TAP1: variants seen among roughly 807,000 people sequenced by gnomAD.
The protein encoded by TAP1 is transporter 1, ATP binding cassette subfamily B member.
TAP1 carries 56 observed loss-of-function variants against 79.3 expected under a neutral mutation model. The ratio of observed to expected loss-of-function variants is 0.71; its 90% confidence interval spans 0.57 to 0.88. TAP1 has a LOEUF of 0.88. Ranked by LOEUF, TAP1 falls within the 40% of genes least tolerant of loss-of-function variation. The pLI is 0.00. For missense variants in TAP1, 737 were observed against 936.3 expected, an observed-to-expected ratio of 0.79 and a Z score of 2.78; for synonymous variants, 355 against 401.4, an observed-to-expected ratio of 0.88 and a Z score of 1.38.
At position 32,847,522 on chromosome 6, in the gene TAP1, A is replaced by G; in HGVS notation, c.1894T>C (p.Tyr632His). The change falls in exon 9 of 11, where the codon TAT becomes CAT. Residue 632 changes from tyrosine (Y) to histidine (H), a missense_variant. Tyr to His is a moderately conservative substitution (Grantham distance 83). Transcript: ENST00000354258. This position sits in a 1 kb window ranked among gnomAD's most constrained non-coding sequence, Gnocchi z 4.7. Reference protein sequence around the residue: ...HSFISGLPQGYDTEVDEAGSQ... With the variant: ...HSFISGLPQGHDTEVDEAGSQ... ...TGAGTGGAGAGAGTACCTGTGTCATAGCCCTGAGGGAGTCCAGAGATGAAA... is the reference window on the plus strand; with the variant it reads ...TGAGTGGAGAGAGTACCTGTGTCATGGCCCTGAGGGAGTCCAGAGATGAAA... 2 of 1,613,644 alleles carry G rather than the reference A, an allele frequency of 1.2e-6. No homozygotes were observed. The highest frequency in any genetic ancestry group is 1.7e-6 in the Non-Finnish European group (2 of 1,180,028).
rs1328120913 is a variant in TAP1, at chr6:32,851,050, C to G, written c.944G>C (p.Cys315Ser). The G allele has an allele frequency of 6.2e-7, 1 of 1,613,036 alleles. No individual in the cohort carries two copies. Among genetic ancestry groups the G allele is most frequent in the East Asian group, 2.2e-5 (1 of 44,876 alleles). ...TCCCCAGAGCATGATCCCCAAGAGA[C>G]ATAGGCCTCGCACCAGGTACCACAG... Reference protein sequence around the residue: ...LFLWYLVRGLCLLGIMLWGSV... With the variant: ...LFLWYLVRGLSLLGIMLWGSV... Residue 315 changes from cysteine (C) to serine (S), a missense_variant, in exon 4 of 11, where the codon TGT becomes TCT. Physicochemically the swap from Cys to Ser is moderately radical, Grantham distance 112. Coordinates refer to ENST00000354258, the MANE Select transcript of TAP1 (RefSeq NM_000593.6). The surrounding 1 kb of genome is among the most constrained non-coding windows in gnomAD (Gnocchi z 4.8).
chr6:32,851,993 G>A lies in TAP1; in HGVS notation c.844+116C>T. 1 of 1,401,520 alleles carries A rather than the reference G, an allele frequency of 7.1e-7. No homozygotes were observed. The allele number at this position is 1,401,520 out of a possible 1,614,324, so 86.8% of individuals were successfully genotyped here. On this transcript the variant is annotated intron_variant, in intron 3 of 10. Transcript: ENST00000354258. This position sits in a 1 kb window ranked among gnomAD's most constrained non-coding sequence, Gnocchi z 4.8. Reference sequence around the variant, plus strand: ...GGAGAGGGTATATCAAGAATGAGAAGGAACAATGTGTGTATGTGTGTGTGA... The same window carrying A: ...GGAGAGGGTATATCAAGAATGAGAAAGAACAATGTGTGTATGTGTGTGTGA...
chr6:32,845,690 G>A lies in TAP1; in HGVS notation c.2136C>T (p.Ile712=). The A allele has an allele frequency of 6.2e-7, 1 of 1,613,074 alleles. No individual in the cohort carries two copies. Among genetic ancestry groups the A allele is most frequent in the Non-Finnish European group, 8.5e-7 (1 of 1,180,042 alleles). Residue 712 remains isoleucine (I), a synonymous_variant, in exon 11 of 11, where the codon ATC becomes ATT. Coordinates refer to ENST00000354258, the MANE Select transcript of TAP1 (RefSeq NM_000593.6). The surrounding 1 kb of genome is among the most constrained non-coding windows in gnomAD (Gnocchi z 4.5). ...GGATAGCGCCTCCTTCCAGAAAGAG[G>A]ATGTGGTCAGCCTGCTCCACCAGGC... The part of the protein sequence containing the change: ...HLSLVEQADH[I]LFLEGGAIRE...
chr6:32,847,055 A>T lies in TAP1; in HGVS notation c.2040+13T>A. 2 of 1,612,148 alleles carry T rather than the reference A, an allele frequency of 1.2e-6. No homozygotes were observed. Among genetic ancestry groups the T allele is most frequent in the Non-Finnish European group, 1.7e-6 (2 of 1,180,018 alleles). ...TGGGTGGGATATAGCCATTAAGAAG[A>T]TGACTGCCTCACCTGTAACTGGCTG... is the stretch of plus-strand genomic sequence containing the variant. On this transcript the variant is annotated intron_variant, in intron 10 of 10. Coordinates refer to ENST00000354258, the MANE Select transcript of TAP1 (RefSeq NM_000593.6). This position sits in a 1 kb window ranked among gnomAD's most constrained non-coding sequence, Gnocchi z 4.7.
In TAP1 at chr6:32,847,193, C is replaced by T. The variant is rs542331442; in HGVS notation, c.1915G>A (p.Ala639Thr). The change falls in exon 10 of 11, where the codon GCT becomes ACT. Residue 639 changes from alanine to threonine, a missense_variant. By Grantham distance (58) the Ala-to-Thr change is moderately conservative. Around this residue, in one of 5 missense-constraint regions of TAP1, gnomAD observed 266 missense variants for 332.4 expected, o/e 0.80. Coordinates refer to ENST00000354258, the MANE Select transcript of TAP1 (RefSeq NM_000593.6). The surrounding 1 kb of genome is among the most constrained non-coding windows in gnomAD (Gnocchi z 4.7). ...TGACCCCCTGACAGCTGGCTCCCAG[C>T]CTCGTCTACCTCTGCAGAGCAAAGG... ...PQGYDTEVDE[A>T]GSQLSGGQRQ... 1 of 1,612,040 alleles carries T rather than the reference C, an allele frequency of 6.2e-7. No homozygotes were observed. The highest frequency in any genetic ancestry group is 8.5e-7 in the Non-Finnish European group (1 of 1,180,038).
In TAP1 at chr6:32,850,241, G is replaced by A; in HGVS notation, c.1248+79C>T. 6.8e-7 allele frequency: 1 copy of A among 1,478,234 alleles called. No homozygotes were observed. Among genetic ancestry groups the A allele is most frequent in the South Asian group, 1.1e-5 (1 of 88,294 alleles). 91.6% of individuals were successfully genotyped at this position (1,478,234 alleles called of 1,614,324 possible). ...ACCATTTCCCAGTAAAGGAGGAGTG[G>A]GAGCAGGGTCATAGGAATGGGAATG... On this transcript the variant is annotated intron_variant, in intron 5 of 10. Coordinates refer to ENST00000354258, the MANE Select transcript of TAP1 (RefSeq NM_000593.6). The surrounding 1 kb of genome is among the most constrained non-coding windows in gnomAD (Gnocchi z 5.5).
chr6:32,852,809 C>A lies in TAP1; in HGVS notation c.598+230G>T. ...GAGCAAAGGATTTCCCCGCTTCCGG[C>A]GTGGCCCAAAGAATCAAGACCCGGT... On this transcript the variant is annotated intron_variant, in intron 1 of 10. Transcript: ENST00000354258. The surrounding 1 kb of genome is among the most constrained non-coding windows in gnomAD (Gnocchi z 4.8). The A allele has an allele frequency of 1.4e-6, 2 of 1,440,098 alleles. No homozygotes were observed. Among genetic ancestry groups the A allele is most frequent in the Non-Finnish European group, 1.8e-6 (2 of 1,105,120 alleles). 89.2% of individuals were successfully genotyped at this position (1,440,098 alleles called of 1,614,324 possible).
chr6:32,853,292 C>T lies in TAP1; in HGVS notation c.345G>A (p.Glu115=). The T allele has an allele frequency of 6.3e-7, 1 of 1,582,918 alleles. No individual in the cohort carries two copies. Among genetic ancestry groups the T allele is most frequent in the Non-Finnish European group, 8.6e-7 (1 of 1,163,840 alleles). ...LALPGLALFR[E]LISWGAPGSA... is the part of the protein sequence containing the mutation. The stretch of plus-strand genomic sequence containing the variant: ...ACCCGGGGGCTCCCCATGAGATCAG[C>T]TCTCGGAACAAGGCAAGTCCCGGCA... Residue 115 remains glutamate (E), a synonymous_variant, in exon 1 of 11, where the codon GAG becomes GAA. Coordinates refer to ENST00000354258, the MANE Select transcript of TAP1 (RefSeq NM_000593.6). This position sits in a 1 kb window ranked among gnomAD's most constrained non-coding sequence, Gnocchi z 8.3.
At position 32,851,754 on chromosome 6, in the gene TAP1, C is replaced by T. The variant is rs1288443986; in HGVS notation, c.844+355G>A. 6.6e-6 allele frequency among the ~76,000 whole-genome samples: 1 copy of T among 152,194 alleles called. No individual in the cohort carries two copies. Among genetic ancestry groups the T allele is most frequent in the East Asian group, 1.9e-4 (1 of 5,204 alleles). ...AGATGAGGCAGTTGGTCTCTATGAG[C>T]TCAAAATTTCCAGGTTTGAAATTCT... On this transcript the variant is annotated intron_variant, in intron 3 of 10. Transcript: ENST00000354258. The surrounding 1 kb of genome is among the most constrained non-coding windows in gnomAD (Gnocchi z 4.8).
In TAP1 at chr6:32,852,998, G is replaced by T; in HGVS notation, c.598+41C>A. The T allele has an allele frequency of 6.3e-7, 1 of 1,579,272 alleles. No homozygotes were observed. The highest frequency in any genetic ancestry group is 8.6e-7 in the Non-Finnish European group (1 of 1,166,418). Reference sequence around the variant, plus strand: ...ACAATTACCTTTGATTCCTGTCCCAGTCCCCTTGTGTCCTCCCCTCTTGCC... The same window carrying T: ...ACAATTACCTTTGATTCCTGTCCCATTCCCCTTGTGTCCTCCCCTCTTGCC... On this transcript the variant is annotated intron_variant, in intron 1 of 10. Coordinates refer to ENST00000354258, the MANE Select transcript of TAP1 (RefSeq NM_000593.6). The surrounding 1 kb of genome is among the most constrained non-coding windows in gnomAD (Gnocchi z 4.8).
At chr6:32,848,173 A>G in intron 7 of TAP1, 81 bp from the exon 8 acceptor site, 2 of 1,511,788 alleles carry the variant, frequency 1.3e-6, no homozygotes, top group Admixed American at 2.0e-5. Flanking sequence ...ACATAGCATG[A>G]TGTCTTACCC....
In TAP1 at chr6:32,847,193, C is replaced by A. The variant is rs542331442; in HGVS notation, c.1915G>T (p.Ala639Ser). 56 of 1,612,042 alleles carry A rather than the reference C, an allele frequency of 3.5e-5. 1 individual carries two copies. The South Asian group carries it at 5.8e-4, about 17-fold the overall frequency. Residue 639 changes from alanine to serine, a missense_variant, in exon 10 of 11, where the codon GCT becomes TCT. Ala to Ser is a moderately conservative substitution (Grantham distance 99). Around this residue, in one of 5 missense-constraint regions of TAP1, gnomAD observed 266 missense variants for 332.4 expected, o/e 0.80. Transcript: ENST00000354258. The surrounding 1 kb of genome is among the most constrained non-coding windows in gnomAD (Gnocchi z 4.7). Reference protein sequence around the residue: ...PQGYDTEVDEAGSQLSGGQRQ... With the variant: ...PQGYDTEVDESGSQLSGGQRQ... ...TGACCCCCTGACAGCTGGCTCCCAG[C>A]CTCGTCTACCTCTGCAGAGCAAAGG... is the stretch of plus-strand genomic sequence containing the variant.
chr6:32,851,843 G>A lies in TAP1; in HGVS notation c.844+266C>T, dbSNP rs1770794598. 6.6e-6 allele frequency among the ~76,000 whole-genome samples: 1 copy of A among 151,952 alleles called. No homozygotes were observed. The highest frequency in any genetic ancestry group is 2.4e-5 in the African/African-American group (1 of 41,336). The stretch of plus-strand genomic sequence containing the variant: ...AGAAAATGCTAGATGAAAACTCTAG[G>A]TTTTTCTTAAGGTAAGGAGGACAAT... On this transcript the variant is annotated intron_variant, in intron 3 of 10. Coordinates refer to ENST00000354258, the MANE Select transcript of TAP1 (RefSeq NM_000593.6). This position sits in a 1 kb window ranked among gnomAD's most constrained non-coding sequence, Gnocchi z 4.8.
Position 32,852,139 on chromosome 6 carries a change from C to T in TAP1, c.814G>A (p.Glu272Lys). Reference sequence around the variant, plus strand: ...TGGTTCTGTTGGAAAAACTCCGTCTCCTGGCGCAGGACAGCCCCAAACACC... The same window carrying T: ...TGGTTCTGTTGGAAAAACTCCGTCTTCTGGCGCAGGACAGCCCCAAACACC... ...GEVFGAVLRQ[E>K]TEFFQQNQTG... Residue 272 changes from glutamate (E) to lysine (K), a missense_variant, in exon 3 of 11, where the codon GAG becomes AAG. This residue lies in a region of TAP1 where 406 missense variants were observed against 477.2 expected (regional missense o/e 0.85). Transcript: ENST00000354258. This position sits in a 1 kb window ranked among gnomAD's most constrained non-coding sequence, Gnocchi z 4.8. 1 of 1,613,026 alleles carries T rather than the reference C, an allele frequency of 6.2e-7. No homozygotes were observed. Among genetic ancestry groups the T allele is most frequent in the Non-Finnish European group, 8.5e-7 (1 of 1,180,010 alleles).
rs1199461591 is a variant in TAP1 at position 32,847,845 on chromosome 6, T to C, written c.1740+74A>G. 6.2e-7 allele frequency: 1 copy of C among 1,607,338 alleles called. No homozygotes were observed. Among genetic ancestry groups the C allele is most frequent in the Non-Finnish European group, 8.5e-7 (1 of 1,174,988 alleles). ...GTCTCTTATCATTCCCTAACCCCTCTTTCAGAGTGCTCAGTAAGAATGCTC... is the reference window on the plus strand; with the variant it reads ...GTCTCTTATCATTCCCTAACCCCTCCTTCAGAGTGCTCAGTAAGAATGCTC... On this transcript the variant is annotated intron_variant, in intron 8 of 10. Coordinates refer to ENST00000354258, the MANE Select transcript of TAP1 (RefSeq NM_000593.6). This position sits in a 1 kb window ranked among gnomAD's most constrained non-coding sequence, Gnocchi z 4.7.
Position 32,850,633 on chromosome 6 carries a change from G to C in TAP1, c.1051-116C>G. The C allele has an allele frequency of 1.0e-6, 1 of 954,882 alleles. No homozygotes were observed. Among genetic ancestry groups the C allele is most frequent in the East Asian group, 2.6e-5 (1 of 38,988 alleles). 59.2% of individuals were successfully genotyped at this position (954,882 alleles called of 1,614,324 possible). A position where few individuals can be genotyped will look rare whatever the true frequency, so the allele number is the denominator to read the frequency against. On this transcript the variant is annotated intron_variant, in intron 4 of 10. Transcript: ENST00000354258. The surrounding 1 kb of genome is among the most constrained non-coding windows in gnomAD (Gnocchi z 5.5). ...GAAGAGACAGAGGAAAAGGAGAAAA[G>C]AGAAAGAGACACAGCTATGCCCCTT...
chr6:32,846,458 C>CA (rs1770407670), intron 10 of TAP1: 1 of 166,806 alleles, frequency 6.0e-6, no homozygotes, highest in Non-Finnish European at 1.3e-5. Flanking sequence ...GCTGTCTGTA[C>CA]AAAAAATAAT....
Position 32,850,320 on chromosome 6 carries a change from A to G in TAP1, c.1248T>C (p.Ser416=), listed in dbSNP as rs763494984. The change falls in exon 5 of 11, where the codon AGT becomes AGC. Residue 416 remains serine (S), a splice_region_variant and synonymous_variant. Coordinates refer to ENST00000354258, the MANE Select transcript of TAP1 (RefSeq NM_000593.6). This position sits in a 1 kb window ranked among gnomAD's most constrained non-coding sequence, Gnocchi z 5.5. The part of the protein sequence containing the change: ...VAYAVNSWTT[S]ISGMLLKVGI... The stretch of plus-strand genomic sequence containing the variant: ...TGGGTATTCATCTTCAGGTGCTCAC[A>G]CTAGTGGTCCAGGAGTTGACTGCAT... The G allele has an allele frequency of 3.7e-6, 6 of 1,614,108 alleles. No individual in the cohort carries two copies. The highest frequency in any genetic ancestry group is 5.1e-6 in the Non-Finnish European group (6 of 1,180,014).
rs946552571 is a variant in TAP1, at chr6:32,852,281, G to A, written c.714-42C>T. 1.2e-6 allele frequency: 2 copies of A among 1,612,878 alleles called. No individual in the cohort carries two copies. Among genetic ancestry groups the A allele is most frequent in the Non-Finnish European group, 8.5e-7 (1 of 1,180,008 alleles). Reference sequence around the variant, plus strand: ...AAAAAAGGGGATCAGGGTGTGTTCAGGGAACAGACTGAAGGTCCCAGGTAT... The same window carrying A: ...AAAAAAGGGGATCAGGGTGTGTTCAAGGAACAGACTGAAGGTCCCAGGTAT... On this transcript the variant is annotated intron_variant, in intron 2 of 10. Transcript: ENST00000354258. The surrounding 1 kb of genome is among the most constrained non-coding windows in gnomAD (Gnocchi z 4.8).
Sources: gnomAD v4.1 joint callset for allele counts (sites outside exome capture counted in the v4.1 genomes callset) on GRCh38, gnomAD v4.1.1 for gene constraint, gnomAD v4.1.1 regional missense constraint, Gnocchi (gnomAD v3.1) non-coding constraint, MANE v1.5 for transcripts, NCBI Gene and HGNC (gene_info 2026-07-23, HGNC 2026-07-21) for gene names.